The following TOM1L2 variants were observed in gnomAD, a reference collection of about 807,000 sequenced individuals.
The protein encoded by TOM1L2 is target of myb1 like 2 membrane trafficking protein.
Under a neutral mutation model 67.9 loss-of-function variants are expected in TOM1L2, and 31 were observed. The ratio of observed to expected loss-of-function variants is 0.46; its 90% confidence interval spans 0.34 to 0.62. The LOEUF (loss-of-function observed/expected upper bound fraction) is 0.62, where lower values mean the gene tolerates loss of function less well. Among genes scored for constraint, TOM1L2 ranks in the 20% least tolerant of loss-of-function variants. TOM1L2 has a pLI of 0.01. For synonymous variants in TOM1L2, 256 were observed against 254.0 expected, an observed-to-expected ratio of 1.01 and a Z score of -0.07; for missense variants, 606 against 663.5, an observed-to-expected ratio of 0.91 and a Z score of 0.95.
At chr17:17,920,748 C>T (rs2039829790) in intron 1 of TOM1L2, among the ~76,000 whole-genome samples, 1 of 152,008 alleles carries the variant, frequency 6.6e-6, no homozygotes, top group African/African-American at 2.4e-5. Context: ...AATTCTCCTG[C>T]CTCAGTCTCC....
chr17:17,891,755 G>A (rs567704945), intron 4 of TOM1L2, among the ~76,000 whole-genome samples: 119 of 152,036 alleles, frequency 7.8e-4, no homozygotes, highest in Non-Finnish European at 1.4e-3. Flanking sequence ...GTAGAGTGGG[G>A]TGTATGAGGA....
intron 1 of TOM1L2, among the ~76,000 whole-genome samples, chr17:17,913,181 C>CGGG (rs1555604769): frequency 1.9e-5 from 2 of 103,088 alleles, no homozygotes; most frequent in Admixed American, 2.1e-4. Context: ...ACCGTGGAAA[C>CGGG]AGAGGGAGAG....
intron 12 of TOM1L2, among the ~76,000 whole-genome samples, chr17:17,853,457 G>T (rs1300048850): frequency 1.3e-5 from 2 of 152,156 alleles, no homozygotes; most frequent in Non-Finnish European, 2.9e-5. Flanking sequence ...GAGGCCTGGG[G>T]TCATACTTTA....
intron 9 of TOM1L2, 91 bp downstream of exon 9, chr17:17,866,785 A>T (rs980136882): frequency 1.6e-6 from 2 of 1,269,898 alleles, no homozygotes; most frequent in Admixed American, 3.4e-5. Flanking sequence ...TTTCAAAACC[A>T]GTTAGAAAAA....
chr17:17,894,656 C>G (rs1419555734), intron 3 of TOM1L2, among the ~76,000 whole-genome samples: 1 of 152,240 alleles, frequency 6.6e-6, no homozygotes, highest in Non-Finnish European at 1.5e-5. Flanking sequence ...ATAGGCCGGG[C>G]ATAGTGGTTC....
chr17:17,947,796 G>T (rs1221132655), intron 1 of TOM1L2, among the ~76,000 whole-genome samples: 1 of 152,152 alleles, frequency 6.6e-6, no homozygotes, highest in Non-Finnish European at 1.5e-5. Context: ...GTCTGATTTT[G>T]AAGATTTTGT....
rs181559941 is a variant in TOM1L2 at position 17,883,204 on chromosome 17, G to A, written c.502-341C>T. Among the ~76,000 whole-genome samples the A allele has an allele frequency of 1.5e-4, 23 of 152,198 alleles. No individual in the cohort carries two copies. In the East Asian group the frequency reaches 3.1e-3, roughly 20 times the overall value. On this transcript the variant is annotated intron_variant, in intron 5 of 14. Coordinates refer to ENST00000379504, the MANE Select transcript of TOM1L2 (RefSeq NM_001082968.2). Reference sequence around the variant, plus strand: ...CTCGGGATCCAAGTGGAGGGAGGGCGGTTATTAAGTTTTGCTAATCACAGA... The same window carrying A: ...CTCGGGATCCAAGTGGAGGGAGGGCAGTTATTAAGTTTTGCTAATCACAGA...
intron 8 of TOM1L2, among the ~76,000 whole-genome samples, chr17:17,867,571 G>A (rs1002842457): frequency 1.3e-5 from 2 of 152,154 alleles, no homozygotes; most frequent in African/African-American, 4.8e-5. Flanking sequence ...GTGGGGAACG[G>A]AAGAGTAGTT....
chr17:17,873,308 C>T (rs904717862), intron 7 of TOM1L2, among the ~76,000 whole-genome samples: 2 of 152,178 alleles, frequency 1.3e-5, no homozygotes, highest in African/African-American at 4.8e-5. Context: ...AGCTTTAACA[C>T]GTACTTCCCA....
At chr17:17,950,835 G>A (rs181856064) in intron 1 of TOM1L2, among the ~76,000 whole-genome samples, 23 of 152,300 alleles carry the variant, frequency 1.5e-4, no homozygotes, top group Admixed American at 6.5e-4. Flanking sequence ...AAACCATGAA[G>A]GTAGTCCCCA....
chr17:17,886,818 T>C (rs976958535), intron 4 of TOM1L2, among the ~76,000 whole-genome samples: 1 of 152,188 alleles, frequency 6.6e-6, no homozygotes, highest in Non-Finnish European at 1.5e-5. Flanking sequence ...TCTGCTTCCA[T>C]GTTCACAGAG....
chr17:17,886,276 C>T (rs1002372758), intron 4 of TOM1L2, among the ~76,000 whole-genome samples: 10 of 152,246 alleles, frequency 6.6e-5, no homozygotes, highest in South Asian at 2.1e-4. Flanking sequence ...ACTGTCAGCC[C>T]GGCTTTCCCT....
At chr17:17,948,909 G>A (rs1168433483) in intron 1 of TOM1L2, among the ~76,000 whole-genome samples, 2 of 152,144 alleles carry the variant, frequency 1.3e-5, no homozygotes, top group East Asian at 3.9e-4. Flanking sequence ...AGGGGTGGGG[G>A]GAAAGAGTTG....
At chr17:17,924,690 G>A (rs939790624) in intron 1 of TOM1L2, among the ~76,000 whole-genome samples, 5 of 152,082 alleles carry the variant, frequency 3.3e-5, no homozygotes, top group South Asian at 2.1e-4. Context: ...GCTTCAGCAC[G>A]GAAGACTGAG....
At chr17:17,914,510 G>T (rs769848024) in intron 1 of TOM1L2, among the ~76,000 whole-genome samples, 2 of 152,180 alleles carry the variant, frequency 1.3e-5, no homozygotes, top group Non-Finnish European at 2.9e-5. Flanking sequence ...GGGCAGAGAG[G>T]GGGTATGGCA....
At chr17:17,906,593 G>A (rs1169840092) in intron 2 of TOM1L2, among the ~76,000 whole-genome samples, 1 of 152,204 alleles carries the variant, frequency 6.6e-6, no homozygotes, top group African/African-American at 2.4e-5. Context: ...CAAGGGGAAG[G>A]AATCTATCTT....
chr17:17,906,174 A>G (rs2039092248), intron 2 of TOM1L2, among the ~76,000 whole-genome samples: 1 of 149,164 alleles, frequency 6.7e-6, no homozygotes, highest in Non-Finnish European at 1.5e-5. Flanking sequence ...TGTCACCAAA[A>G]CTGGAGTACA....
chr17:17,954,146 C>A (rs1193037349), intron 1 of TOM1L2, among the ~76,000 whole-genome samples: 1 of 152,184 alleles, frequency 6.6e-6, no homozygotes, highest in Non-Finnish European at 1.5e-5. Flanking sequence ...TTGGTCTAAA[C>A]CATGAGCAAG....
At chr17:17,945,105 G>C (rs1429708756) in intron 1 of TOM1L2, among the ~76,000 whole-genome samples, 1 of 152,142 alleles carries the variant, frequency 6.6e-6, no homozygotes, top group Non-Finnish European at 1.5e-5. Context: ...AATACCAAAG[G>C]GTGGATTTAA....
Sources: gnomAD v4.1 joint callset for allele counts (sites outside exome capture counted in the v4.1 genomes callset) on GRCh38, gnomAD v4.1.1 for gene constraint, MANE v1.5 for transcripts, NCBI Gene and HGNC (gene_info 2026-07-23, HGNC 2026-07-21) for gene names.